Variants in KIAA1217 observed in about 807,000 individuals in gnomAD.
KIAA1217 encodes the protein KIAA1217, also known as sickle tail protein homolog.
In KIAA1217, 88 loss-of-function variants were observed where a neutral mutation model predicts 163.9. The observed-to-expected ratio is 0.54, with a 90% CI of 0.45 to 0.64. KIAA1217 has a LOEUF of 0.64. Ranked by LOEUF, KIAA1217 falls within the 30% of genes least tolerant of loss-of-function variation. The pLI, the probability that KIAA1217 is intolerant of heterozygous loss-of-function variation, is 0.00. For synonymous variants in KIAA1217, 903 were observed against 923.1 expected, an observed-to-expected ratio of 0.98 and a Z score of 0.39; for missense variants, 2,372 against 2,475.0, an observed-to-expected ratio of 0.96 and a Z score of 0.88.
At chr10:23,954,136 G>A (rs550331416) in intron 1 of KIAA1217, among the ~76,000 whole-genome samples, 2 of 152,228 alleles carry the variant, frequency 1.3e-5, no homozygotes, top group East Asian at 1.9e-4. Flanking sequence ...CCATTTCCAG[G>A]GGGCTGCTTT....
chr10:24,339,257 A>C (rs1019874656), intron 2 of KIAA1217, among the ~76,000 whole-genome samples: 2 of 152,110 alleles, frequency 1.3e-5, no homozygotes, highest in Non-Finnish European at 2.9e-5. Flanking sequence ...TTGGGTTGTA[A>C]TCATTACAAT....
chr10:23,918,001 A>G (rs969714339), intron 1 of KIAA1217, among the ~76,000 whole-genome samples: 5 of 151,674 alleles, frequency 3.3e-5, no homozygotes, highest in African/African-American at 1.2e-4. Flanking sequence ...GAAAGGCAAG[A>G]CATTTTTTAT....
intron 1 of KIAA1217, among the ~76,000 whole-genome samples, chr10:23,701,103 T>G (rs1836421001): frequency 6.6e-6 from 1 of 152,216 alleles, no homozygotes. Context: ...CGTCTGGCAC[T>G]TGGTACATGT....
intron 3 of KIAA1217, among the ~76,000 whole-genome samples, chr10:24,386,007 A>T (rs2053959187): frequency 6.6e-6 from 1 of 152,152 alleles, no homozygotes; most frequent in Non-Finnish European, 1.5e-5. Context: ...TAGCCACAAG[A>T]TGTTCCCACT....
At chr10:23,994,028 T>A (rs1466507718) in intron 1 of KIAA1217, among the ~76,000 whole-genome samples, 1 of 152,174 alleles carries the variant, frequency 6.6e-6, no homozygotes, top group Non-Finnish European at 1.5e-5. Context: ...GTGGATGGGA[T>A]AGCAAGTACC....
chr10:24,381,106 C>T, intron 3 of KIAA1217, 39 bp downstream of exon 3: 3 of 1,447,780 alleles, frequency 2.1e-6, no homozygotes, highest in Non-Finnish European at 2.8e-6. Context: ...CCCTTTCTTA[C>T]TGAATGCGTT....
chr10:23,840,344 T>G (rs1588923317), intron 1 of KIAA1217, among the ~76,000 whole-genome samples: 1 of 151,964 alleles, frequency 6.6e-6, no homozygotes, highest in Non-Finnish European at 1.5e-5. Context: ...TTAGTAGAGA[T>G]GGGGTTTCAC....
chr10:24,058,646 C>T (rs1564647429), intron 2 of KIAA1217, among the ~76,000 whole-genome samples: 1 of 152,026 alleles, frequency 6.6e-6, no homozygotes, highest in Non-Finnish European at 1.5e-5. Flanking sequence ...CTTTTGGATG[C>T]TATTGTAAAT....
chr10:23,793,126 C>A (rs967094250), intron 1 of KIAA1217, among the ~76,000 whole-genome samples: 4 of 152,024 alleles, frequency 2.6e-5, no homozygotes, highest in East Asian at 3.9e-4. Flanking sequence ...ACGATTTGTG[C>A]ATGGTTCTCT....
chr10:24,066,449 T>G (rs182136144), intron 2 of KIAA1217, among the ~76,000 whole-genome samples: 19 of 152,346 alleles, frequency 1.2e-4, no homozygotes, highest in African/African-American at 4.6e-4. Context: ...ATTCTTTTCT[T>G]TAATAATGTT....
chr10:24,505,715 G>T (rs115333675), intron 9 of KIAA1217, among the ~76,000 whole-genome samples: 1 of 151,934 alleles, frequency 6.6e-6, no homozygotes, highest in East Asian at 1.9e-4. Context: ...TAAAAAATTG[G>T]GTTGTTCATT....
Position 24,514,211 on chromosome 10 carries a change from G to T in KIAA1217, c.2177+777G>T, listed in dbSNP as rs142991272. On this transcript the variant is annotated intron_variant, in intron 10 of 20. Transcript: ENST00000376454. ...TATCATAGAACTATCTCACCTTTTA[G>T]TATAATGAATAGTAATTTTGAGGGG... 1.3e-3 allele frequency among the ~76,000 whole-genome samples: 192 copies of T among 152,288 alleles called. 1 individual carries two copies. The highest frequency in any genetic ancestry group is 4.3e-3 in the African/African-American group (178 of 41,544).
At chr10:24,471,570 C>T (rs2063514958) in intron 5 of KIAA1217, among the ~76,000 whole-genome samples, 1 of 151,778 alleles carries the variant, frequency 6.6e-6, no homozygotes, top group African/African-American at 2.4e-5. Flanking sequence ...CTAAGTCCCC[C>T]ACACACAGTA....
intron 2 of KIAA1217, among the ~76,000 whole-genome samples, chr10:24,343,234 G>A (rs2047325876): frequency 6.6e-6 from 1 of 152,076 alleles, no homozygotes; most frequent in African/African-American, 2.4e-5. Context: ...AGACCTATTT[G>A]GATATATATA....
chr10:24,211,540 G>GTATTT (rs1168145376), intron 1 of KIAA1217, among the ~76,000 whole-genome samples: 580 of 28,694 alleles, frequency 0.02, 15 homozygotes, highest in African/African-American at 0.054. Context: ...TGGTTGTATT[G>GTATTT]TATTGTATTG....
chr10:24,293,593 A>C (rs2079336572), intron 2 of KIAA1217, among the ~76,000 whole-genome samples: 1 of 152,190 alleles, frequency 6.6e-6, no homozygotes, highest in African/African-American at 2.4e-5. Context: ...ACTCAGCTTA[A>C]AAGGTTTCAT....
chr10:24,175,247 TC>T (rs1484832400), intron 2 of KIAA1217, among the ~76,000 whole-genome samples: 1 of 152,188 alleles, frequency 6.6e-6, no homozygotes, highest in Non-Finnish European at 1.5e-5. Flanking sequence ...TGCCTTTGCA[TC>T]CCTATAGTTT....
At position 23,736,707 on chromosome 10, in the gene KIAA1217, G is replaced by T. The variant is rs532898856; in HGVS notation, c.-321+41473G>T. On this transcript the variant is annotated intron_variant, in intron 1 of 18. Transcript: ENST00000376462. ...CTGGCTAATTTAAAAAAAAATTTTCGTAGAGATGGAGTCTTGCTGTGTTGC... is the reference window on the plus strand; with the variant it reads ...CTGGCTAATTTAAAAAAAAATTTTCTTAGAGATGGAGTCTTGCTGTGTTGC... Among the ~76,000 whole-genome samples the T allele has an allele frequency of 7.8e-4, 118 of 152,080 alleles. No homozygotes were observed. In the South Asian group the frequency reaches 9.4e-3, roughly 12 times the overall value.
intron 1 of KIAA1217, among the ~76,000 whole-genome samples, chr10:23,995,188 G>A (rs1299762359): frequency 1.3e-5 from 2 of 152,062 alleles, no homozygotes; most frequent in South Asian, 2.1e-4. Context: ...TCTGTTCCTC[G>A]GGGAGATCAT....
Sources: gnomAD v4.1 joint callset for allele counts (sites outside exome capture counted in the v4.1 genomes callset) on GRCh38, gnomAD v4.1.1 for gene constraint, MANE v1.5 for transcripts, NCBI Gene and HGNC (gene_info 2026-07-23, HGNC 2026-07-21) for gene names.